The following TBC1D22B variants were observed in gnomAD, a reference collection of about 807,000 sequenced individuals.
The protein encoded by TBC1D22B is TBC1 domain family member 22B.
A neutral mutation model predicts 69.1 loss-of-function variants in TBC1D22B; 32 were observed. That is an observed-to-expected ratio of 0.46 (90% CI 0.35 to 0.62). TBC1D22B has a LOEUF of 0.62. Among genes scored for constraint, TBC1D22B ranks in the 20% least tolerant of loss-of-function variants. The pLI is 0.00. For synonymous variants in TBC1D22B, 206 were observed against 229.8 expected, an observed-to-expected ratio of 0.90 and a Z score of 0.94; for missense variants, 462 against 630.9, an observed-to-expected ratio of 0.73 and a Z score of 2.87.
chr6:37,260,706 A>G (rs1475833916), intron 1 of TBC1D22B, among the ~76,000 whole-genome samples: 1 of 152,098 alleles, frequency 6.6e-6, no homozygotes. Flanking sequence ...TGGATTTACC[A>G]CTTTTGGACA....
At chr6:37,312,505 C>G (rs887356989) in intron 8 of TBC1D22B, among the ~76,000 whole-genome samples, 1 of 152,156 alleles carries the variant, frequency 6.6e-6, no homozygotes, top group Admixed American at 6.5e-5. Context: ...GCTGTTCTCC[C>G]TATATATGAG....
At chr6:37,273,934 G>A (rs1046529067) in intron 2 of TBC1D22B, among the ~76,000 whole-genome samples, 1 of 152,134 alleles carries the variant, frequency 6.6e-6, no homozygotes, top group African/African-American at 2.4e-5. Flanking sequence ...CCTTTACATT[G>A]GGTCTTCAAT....
chr6:37,259,090 T>C (rs1765971353), intron 1 of TBC1D22B, among the ~76,000 whole-genome samples: 1 of 151,648 alleles, frequency 6.6e-6, no homozygotes, highest in South Asian at 2.1e-4. Context: ...ACTCCTGGCC[T>C]CAAGTGATCC....
chr6:37,264,353 C>T (rs1407623366), intron 1 of TBC1D22B, among the ~76,000 whole-genome samples: 14 of 152,076 alleles, frequency 9.2e-5, no homozygotes, highest in Non-Finnish European at 1.5e-5. Context: ...ACTCTTGTTG[C>T]CCTGGCTGGA....
intron 3 of TBC1D22B, among the ~76,000 whole-genome samples, chr6:37,281,834 C>T (rs556586512): frequency 1.1e-3 from 162 of 152,282 alleles, no homozygotes; most frequent in African/African-American, 3.6e-3. Flanking sequence ...TTTGATTTTC[C>T]TTTAGAGTCA....
intron 2 of TBC1D22B, among the ~76,000 whole-genome samples, chr6:37,277,640 A>AT (rs1318269260): frequency 6.6e-6 from 1 of 150,850 alleles, no homozygotes; most frequent in Non-Finnish European, 1.5e-5. Context: ...TAATTTTTGT[A>AT]TTTTTTTAGT....
intron 8 of TBC1D22B, among the ~76,000 whole-genome samples, chr6:37,298,611 TCTCGGCTCA>T (rs1490349766): frequency 1.4e-5 from 2 of 141,802 alleles, no homozygotes; most frequent in Non-Finnish European, 3.0e-5. Flanking sequence ...AGTGGCGCGA[TCTCGGCTCA>T]CTGCAAGCTC....
In TBC1D22B at chr6:37,286,885, A is replaced by G. The variant is rs578259304; in HGVS notation, c.802-122A>G. 15 of 777,592 alleles carry G rather than the reference A, an allele frequency of 1.9e-5. No homozygotes were observed. In the African/African-American group the frequency reaches 2.6e-4, roughly 13 times the overall value. 48.2% of individuals were successfully genotyped at this position (777,592 alleles called of 1,614,324 possible). ...CTTGAACCCTGGAGGCAGAGGTTGCAGTGAGCTGAGATAGTGCCATTGCAC... is the reference window on the plus strand; with the variant it reads ...CTTGAACCCTGGAGGCAGAGGTTGCGGTGAGCTGAGATAGTGCCATTGCAC... On this transcript the variant is annotated intron_variant, in intron 6 of 12. Coordinates refer to ENST00000373491, the MANE Select transcript of TBC1D22B (RefSeq NM_017772.4).
rs183468543 is a variant in TBC1D22B, at chr6:37,326,429, C to T, written c.1390-4615C>T. ...TCTAGAGAGCTATGTCCTTTGTTGG[C>T]TGTTCTTGTTTGTTATCAGTTTGCA... On this transcript the variant is annotated intron_variant, in intron 12 of 12. Transcript: ENST00000373491. 8.1e-4 allele frequency among the ~76,000 whole-genome samples: 122 copies of T among 150,122 alleles called. 2 individuals are homozygous for T. Among genetic ancestry groups the T allele is most frequent in the Admixed American group, 7.7e-3 (115 of 15,032 alleles).
At chr6:37,316,658 G>T (rs746172442) in intron 10 of TBC1D22B, 45 bp from the exon 11 acceptor site, 4 of 1,609,966 alleles carry the variant, frequency 2.5e-6, no homozygotes, top group Middle Eastern at 1.7e-4. Flanking sequence ...GCCCTTTCAG[G>T]GTCCAGTCCC....
intron 8 of TBC1D22B, among the ~76,000 whole-genome samples, chr6:37,309,458 A>C (rs1767837746): frequency 6.6e-6 from 1 of 152,170 alleles, no homozygotes; most frequent in Non-Finnish European, 1.5e-5. Flanking sequence ...AAGACCTTTC[A>C]ATTTATTATG....
intron 8 of TBC1D22B, among the ~76,000 whole-genome samples, chr6:37,310,590 C>T (rs1035448848): frequency 1.3e-5 from 2 of 152,142 alleles, no homozygotes; most frequent in African/African-American, 4.8e-5. Context: ...ATTGCTTGAA[C>T]CTGGAAGGTA....
Position 37,331,300 on chromosome 6 carries a change from C to A in TBC1D22B, c.*128C>A. On this transcript the variant is annotated 3_prime_UTR_variant, in exon 13 of 13. Coordinates refer to ENST00000373491, the MANE Select transcript of TBC1D22B (RefSeq NM_017772.4). ...TTGTACAAAGCTCACACCCACCGCC[C>A]AGGTCTTAACTTTCTGGCATCCACC... is the stretch of plus-strand genomic sequence containing the variant. 1 of 911,488 alleles carries A rather than the reference C, an allele frequency of 1.1e-6. No individual in the cohort carries two copies. The highest frequency in any genetic ancestry group is 1.7e-6 in the Non-Finnish European group (1 of 587,114). 56.5% of individuals were successfully genotyped at this position (911,488 alleles called of 1,614,324 possible).
chr6:37,295,580 T>C (rs777037713), intron 8 of TBC1D22B: 7 of 433,566 alleles, frequency 1.6e-5, no homozygotes, highest in Non-Finnish European at 3.3e-5. Flanking sequence ...TCCACTGATA[T>C]TCATCCAAAT....
At chr6:37,320,857 G>C (rs546228128) in intron 12 of TBC1D22B, among the ~76,000 whole-genome samples, 1 of 152,196 alleles carries the variant, frequency 6.6e-6, no homozygotes, top group Non-Finnish European at 1.5e-5. Context: ...TGGATCCTCC[G>C]GGCCCGTGGC....
intron 2 of TBC1D22B, among the ~76,000 whole-genome samples, chr6:37,271,315 A>G (rs1418640375): frequency 6.6e-6 from 1 of 152,190 alleles, no homozygotes; most frequent in East Asian, 1.9e-4. Context: ...TCTGTCTCAA[A>G]AAACAAAGCA....
intron 2 of TBC1D22B, among the ~76,000 whole-genome samples, chr6:37,275,490 T>A (rs1766642310): frequency 6.6e-6 from 1 of 152,194 alleles, no homozygotes; most frequent in African/African-American, 2.4e-5. Context: ...TCTTTTTAGC[T>A]GCTTTTTTCA....
chr6:37,273,183 C>CAAAAAAA (rs58720560), intron 2 of TBC1D22B, among the ~76,000 whole-genome samples: 1 of 77,270 alleles, frequency 1.3e-5, no homozygotes, highest in Admixed American at 1.6e-4. Flanking sequence ...AACCCCGAGG[C>CAAAAAAA]AAAAAAAAAA....
intron 2 of TBC1D22B, among the ~76,000 whole-genome samples, chr6:37,274,982 C>T (rs901427327): frequency 2.0e-5 from 3 of 152,138 alleles, no homozygotes; most frequent in African/African-American, 7.2e-5. Flanking sequence ...AACCCGGAGG[C>T]GGAGATTGCA....
Sources: allele counts gnomAD v4.1 joint callset (sites outside exome capture counted in the v4.1 genomes callset), GRCh38; gene constraint gnomAD v4.1.1; transcripts MANE v1.5; gene names NCBI Gene and HGNC (gene_info 2026-07-23, HGNC 2026-07-21).